Variants in JAM3 observed in about 807,000 individuals in gnomAD.
The protein encoded by JAM3 is junctional adhesion molecule 3.
In JAM3, 31 loss-of-function variants were observed where a neutral mutation model predicts 39.4. The observed-to-expected ratio is 0.79, with a 90% CI of 0.59 to 1.06. The LOEUF (loss-of-function observed/expected upper bound fraction) is 1.06, where lower values mean the gene tolerates loss of function less well. Ranked by LOEUF, JAM3 falls within the 50% of genes least tolerant of loss-of-function variation. The probability of loss-of-function intolerance (pLI) is 0.00; values close to 1 mark genes in which losing one functional copy is unlikely to be tolerated. For missense variants in JAM3, 455 were observed against 391.4 expected (o/e 1.16, Z -1.37); for synonymous variants, 182 against 148.7 (o/e 1.22, Z -1.63).
intron 1 of JAM3, among the ~76,000 whole-genome samples, chr11:134,102,938 G>C (rs543695741): frequency 6.6e-6 from 1 of 152,278 alleles, no homozygotes; most frequent in South Asian, 2.1e-4. Flanking sequence ...AAAACACTCT[G>C]CAGGATATTA....
At chr11:134,123,459 G>A (rs1157649762) in intron 1 of JAM3, among the ~76,000 whole-genome samples, 2 of 152,174 alleles carry the variant, frequency 1.3e-5, no homozygotes, top group African/African-American at 4.8e-5. Context: ...GTGCTCCCCA[G>A]ACAGATGGTT....
At chr11:134,125,478 A>G (rs985619867) in intron 1 of JAM3, among the ~76,000 whole-genome samples, 1 of 152,166 alleles carries the variant, frequency 6.6e-6, no homozygotes, top group Non-Finnish European at 1.5e-5. Flanking sequence ...ATAGATTTTA[A>G]TATTGTATTT....
chr11:134,140,371 A>C (rs1942951975), intron 2 of JAM3, among the ~76,000 whole-genome samples: 1 of 152,088 alleles, frequency 6.6e-6, no homozygotes, highest in African/African-American at 2.4e-5. Context: ...TGGCCTCCCA[A>C]AGTGCTAAGA....
At chr11:134,124,977 C>T (rs538387060) in intron 1 of JAM3, among the ~76,000 whole-genome samples, 2 of 152,180 alleles carry the variant, frequency 1.3e-5, no homozygotes, top group South Asian at 2.1e-4. Flanking sequence ...GTTACCTCTG[C>T]GGCAGCGGCG....
intron 1 of JAM3, among the ~76,000 whole-genome samples, chr11:134,089,769 A>C (rs538414981): frequency 1.9e-4 from 29 of 152,332 alleles, no homozygotes; most frequent in South Asian, 1.5e-3. Context: ...CAGTAAACAT[A>C]CGTGTGCATG....
At chr11:134,085,627 C>T (rs1160570939) in intron 1 of JAM3, among the ~76,000 whole-genome samples, 3 of 152,160 alleles carry the variant, frequency 2.0e-5, no homozygotes, top group Non-Finnish European at 4.4e-5. Context: ...CATAGTCTTC[C>T]TTGAATCATA....
chr11:134,132,399 AC>A (rs1296653395), intron 1 of JAM3, among the ~76,000 whole-genome samples: 1 of 152,286 alleles, frequency 6.6e-6, no homozygotes, highest in East Asian at 1.9e-4. Flanking sequence ...GTTAATTACC[AC>A]CAGACCTCTA....
Position 134,151,046 on chromosome 11 carries a change from C to T in JAM3, c.*1865C>T, listed in dbSNP as rs1943214860. On this transcript the variant is annotated 3_prime_UTR_variant, in exon 9 of 9. Coordinates refer to ENST00000299106, the MANE Select transcript of JAM3 (RefSeq NM_032801.5). ...AGCAGGTGTTCTCAGCCTCACATGC[C>T]CTGCCGTGCTGGACTCAGGACTGAA... 6.6e-6 allele frequency: 1 copy of T among 152,234 alleles called. No individual in the cohort carries two copies. The highest frequency in any genetic ancestry group is 6.5e-5 in the Admixed American group (1 of 15,280). The allele number at this position is 152,234 out of a possible 1,614,324, so 9.4% of individuals were successfully genotyped here.
intron 6 of JAM3, among the ~76,000 whole-genome samples, chr11:134,146,306 G>A (rs935575201): frequency 3.3e-5 from 5 of 152,166 alleles, no homozygotes; most frequent in Admixed American, 2.6e-4. Context: ...TTCACTGCAA[G>A]TTTAGTAAAC....
At chr11:134,100,041 C>T (rs539945495) in intron 1 of JAM3, among the ~76,000 whole-genome samples, 4 of 152,246 alleles carry the variant, frequency 2.6e-5, no homozygotes, top group Admixed American at 2.0e-4. Flanking sequence ...TTAGACCTCT[C>T]CTTTGATGAA....
chr11:134,148,995 C>CAA, intron 8 of JAM3, 151 bp from the exon 9 acceptor site: 1 of 976,948 alleles, frequency 1.0e-6, no homozygotes, highest in Non-Finnish European at 1.6e-6. Context: ...CACACACACA[C>CAA]TAATGGGATT....
intron 1 of JAM3, among the ~76,000 whole-genome samples, chr11:134,135,110 A>G (rs1389897298): frequency 6.6e-6 from 1 of 152,128 alleles, no homozygotes; most frequent in Admixed American, 6.5e-5. Flanking sequence ...CGTTCTTCCA[A>G]AATTTTATAG....
Position 134,148,626 on chromosome 11 carries a change from C to G in JAM3, c.792C>G (p.Cys264Trp), listed in dbSNP as rs368709127. The G allele has an allele frequency of 2.8e-5, 45 of 1,614,046 alleles. No homozygotes were observed. Among genetic ancestry groups the G allele is most frequent in the East Asian group, 4.5e-5 (2 of 44,898 alleles). The change falls in exon 7 of 9, where the codon TGC becomes TGG. Residue 264 changes from cysteine (C) to tryptophan (W), a missense_variant. Transcript: ENST00000299106. ...TGGCCCTGATCACGTTGGGCATCTGCTGTGCATACAGACGTGGCTACTTCA... is the reference window on the plus strand; with the variant it reads ...TGGCCCTGATCACGTTGGGCATCTGGTGTGCATACAGACGTGGCTACTTCA... Reference protein sequence around the residue: ...AVLALITLGICCAYRRGYFIN... With the variant: ...AVLALITLGIWCAYRRGYFIN...
intron 6 of JAM3, chr11:134,148,294 A>G (rs1346812037): frequency 3.7e-6 from 2 of 543,774 alleles, no homozygotes; most frequent in Admixed American, 3.1e-5. Context: ...GCCCACTTTA[A>G]TACACTTTTC....
chr11:134,147,499 G>GT (rs1242462085), intron 6 of JAM3, among the ~76,000 whole-genome samples: 6 of 135,486 alleles, frequency 4.4e-5, no homozygotes, highest in Admixed American at 2.2e-4. Flanking sequence ...TTTACTTTTT[G>GT]TTTTTGAGAT....
At chr11:134,135,956 G>C (rs1438298573) in intron 1 of JAM3, among the ~76,000 whole-genome samples, 2 of 152,016 alleles carry the variant, frequency 1.3e-5, no homozygotes, top group Non-Finnish European at 2.9e-5. Context: ...TGTAATCCCA[G>C]CTACTTGGGA....
chr11:134,084,966 T>G (rs1941724844), intron 1 of JAM3, among the ~76,000 whole-genome samples: 2 of 147,496 alleles, frequency 1.4e-5, no homozygotes, highest in Non-Finnish European at 3.0e-5. Context: ...GTGGGATCAC[T>G]TAGGTGGTCC....
chr11:134,107,733 G>A (rs1014097665), intron 1 of JAM3, among the ~76,000 whole-genome samples: 3 of 152,064 alleles, frequency 2.0e-5, no homozygotes, highest in African/African-American at 7.2e-5. Flanking sequence ...CATGGTGGTA[G>A]ATGCCTGTAG....
chr11:134,080,455 G>A (rs1742354568), intron 1 of JAM3, among the ~76,000 whole-genome samples: 1 of 152,178 alleles, frequency 6.6e-6, no homozygotes, highest in African/African-American at 2.4e-5. Flanking sequence ...GGGACCCAGT[G>A]GGAGATAATT....
Sources: allele counts gnomAD v4.1 joint callset (sites outside exome capture counted in the v4.1 genomes callset), GRCh38; gene constraint gnomAD v4.1.1; transcripts MANE v1.5; gene names NCBI Gene and HGNC (gene_info 2026-07-23, HGNC 2026-07-21).